Variants in DSCAM observed in about 807,000 individuals in gnomAD.
DSCAM encodes DS cell adhesion molecule.
Under a neutral mutation model 217.7 loss-of-function variants are expected in DSCAM, and 47 were observed. That is an observed-to-expected ratio of 0.22 (90% CI 0.17 to 0.28). DSCAM has a LOEUF of 0.28. DSCAM is among the 10% of genes least tolerant of loss of function. The probability of loss-of-function intolerance (pLI) is 1.00; values close to 1 mark genes in which losing one functional copy is unlikely to be tolerated. For missense variants in DSCAM, 2,080 were observed against 2,618.3 expected (o/e 0.79, Z 4.49); for synonymous variants, 1,056 against 1,015.3 (o/e 1.04, Z -0.76).
intron 3 of DSCAM, among the ~76,000 whole-genome samples, chr21:40,389,702 G>A (rs1389336514): frequency 2.0e-5 from 3 of 152,172 alleles, no homozygotes; most frequent in African/African-American, 7.2e-5. Flanking sequence ...GATATAGCCT[G>A]TTACCATCGC....
intron 32 of DSCAM, among the ~76,000 whole-genome samples, chr21:40,035,920 G>A (rs1298839411): frequency 6.7e-6 from 1 of 148,908 alleles, no homozygotes; most frequent in Admixed American, 6.6e-5. Flanking sequence ...TGACTACTGG[G>A]TACATAACGA....
At chr21:40,280,521 A>G (rs1352382290) in intron 10 of DSCAM, among the ~76,000 whole-genome samples, 1 of 152,200 alleles carries the variant, frequency 6.6e-6, no homozygotes, top group Non-Finnish European at 1.5e-5. Flanking sequence ...ATACATCAGT[A>G]TAAGAGTGGT....
At chr21:40,148,759 ATC>A (rs1228541528) in intron 16 of DSCAM, among the ~76,000 whole-genome samples, 1 of 151,946 alleles carries the variant, frequency 6.6e-6, no homozygotes, top group Non-Finnish European at 1.5e-5. Flanking sequence ...CACCAGCTTC[ATC>A]TCTGTCAAAA....
chr21:40,540,655 G>T (rs894344846), intron 3 of DSCAM, among the ~76,000 whole-genome samples: 1 of 152,118 alleles, frequency 6.6e-6, no homozygotes, highest in African/African-American at 2.4e-5. Context: ...ACAAAAGAGA[G>T]GGGGTGCTGC....
intron 8 of DSCAM, among the ~76,000 whole-genome samples, chr21:40,334,633 G>A (rs368373897): frequency 4.6e-5 from 7 of 152,084 alleles, no homozygotes; most frequent in South Asian, 2.1e-4. Context: ...AATCAGATGC[G>A]TCCTTCTTCT....
chr21:40,417,193 C>T (rs1288008887), intron 3 of DSCAM, among the ~76,000 whole-genome samples: 2 of 152,028 alleles, frequency 1.3e-5, no homozygotes, highest in African/African-American at 2.4e-5. Context: ...CATTTATTTT[C>T]ATTTTTTATT....
intron 3 of DSCAM, among the ~76,000 whole-genome samples, chr21:40,415,457 T>C (rs533786590): frequency 3.9e-5 from 6 of 152,330 alleles, no homozygotes; most frequent in South Asian, 4.1e-4. Flanking sequence ...GTAGACAAAC[T>C]AATGAATGAC....
intron 5 of DSCAM, among the ~76,000 whole-genome samples, chr21:40,351,695 G>A (rs1302208186): frequency 6.6e-6 from 1 of 152,146 alleles, no homozygotes; most frequent in Non-Finnish European, 1.5e-5. Context: ...TATTCCAGAA[G>A]CATTGGAGAA....
At chr21:40,694,048 G>T (rs1040077966) in intron 2 of DSCAM, among the ~76,000 whole-genome samples, 1 of 152,188 alleles carries the variant, frequency 6.6e-6, no homozygotes, top group South Asian at 2.1e-4. Context: ...AAATTCAACA[G>T]TGTCTGCTAG....
intron 3 of DSCAM, among the ~76,000 whole-genome samples, chr21:40,607,508 T>G (rs577328916): frequency 6.6e-6 from 1 of 151,664 alleles, no homozygotes; most frequent in Non-Finnish European, 1.5e-5. Flanking sequence ...AAGCATGATA[T>G]GGTTTGGCTG....
chr21:40,178,649 T>C (rs1162569412), intron 15 of DSCAM, among the ~76,000 whole-genome samples: 1 of 152,236 alleles, frequency 6.6e-6, no homozygotes, highest in Non-Finnish European at 1.5e-5. Flanking sequence ...TAAAACGGCA[T>C]GATTCTTTGA....
chr21:40,752,435 A>G (rs2091238420), intron 1 of DSCAM, among the ~76,000 whole-genome samples: 2 of 152,214 alleles, frequency 1.3e-5, no homozygotes, highest in African/African-American at 4.8e-5. Flanking sequence ...TCCTTGGGAA[A>G]CTGACCTGTG....
intron 16 of DSCAM, 133 bp downstream of exon 16, chr21:40,167,085 G>T (rs2090603311): frequency 2.8e-6 from 2 of 707,154 alleles, no homozygotes; most frequent in Admixed American, 3.1e-5. Flanking sequence ...TTTAAGAAAA[G>T]GGCTTTCAAC....
intron 1 of DSCAM, among the ~76,000 whole-genome samples, chr21:40,721,721 T>G (rs976376243): frequency 1.3e-5 from 2 of 151,484 alleles, no homozygotes; most frequent in African/African-American, 4.8e-5. Flanking sequence ...ATAATTGGAG[T>G]TCTAGGATGA....
At chr21:40,269,435 C>T (rs765901128) in intron 11 of DSCAM, among the ~76,000 whole-genome samples, 1 of 152,290 alleles carries the variant, frequency 6.6e-6, no homozygotes, top group African/African-American at 2.4e-5. Context: ...TTGATGGATT[C>T]GGACTCTTCT....
intron 3 of DSCAM, among the ~76,000 whole-genome samples, chr21:40,440,885 C>T (rs1191116496): frequency 6.6e-6 from 1 of 152,168 alleles, no homozygotes; most frequent in Non-Finnish European, 1.5e-5. Context: ...TTAGCTAGTC[C>T]TATTATTAAT....
At chr21:40,557,391 G>C (rs2076680851) in intron 3 of DSCAM, among the ~76,000 whole-genome samples, 1 of 151,994 alleles carries the variant, frequency 6.6e-6, no homozygotes, top group Admixed American at 6.6e-5. Flanking sequence ...GTCTCACTCT[G>C]TCCCCCAGGC....
intron 3 of DSCAM, among the ~76,000 whole-genome samples, chr21:40,431,062 A>G (rs2075526450): frequency 6.6e-6 from 1 of 152,244 alleles, no homozygotes. Context: ...TATGTTATAC[A>G]GAATCTCTGC....
rs145043936 is a variant in DSCAM, at chr21:40,285,099, A to G, written c.2183-8829T>C. Reference sequence around the variant, plus strand: ...GAGGGAATTGGCCCTTCACTCACTTATCAGATAATTGATCCATGAACTGAA... The same window carrying G: ...GAGGGAATTGGCCCTTCACTCACTTGTCAGATAATTGATCCATGAACTGAA... On this transcript the variant is annotated intron_variant, in intron 10 of 32. Transcript: ENST00000400454. 1.6e-3 allele frequency among the ~76,000 whole-genome samples: 242 copies of G among 152,312 alleles called. 2 individuals are homozygous for G. Among genetic ancestry groups the G allele is most frequent in the Non-Finnish European group, 2.9e-3 (194 of 68,034 alleles).
Sources: gnomAD v4.1 joint callset for allele counts (sites outside exome capture counted in the v4.1 genomes callset) on GRCh38, gnomAD v4.1.1 for gene constraint, MANE v1.5 for transcripts, NCBI Gene and HGNC (gene_info 2026-07-23, HGNC 2026-07-21) for gene names.